The following TBC1D1 variants were observed in gnomAD, a reference collection of about 807,000 sequenced individuals.
The protein encoded by TBC1D1 is TBC1 domain family member 1.
TBC1D1 carries 89 observed loss-of-function variants against 125.6 expected under a neutral mutation model. That is an observed-to-expected ratio of 0.71 (90% CI 0.60 to 0.85). TBC1D1 has a LOEUF of 0.85. TBC1D1 is among the 40% of genes least tolerant of loss of function. The pLI, the probability that TBC1D1 is intolerant of heterozygous loss-of-function variation, is 0.00. For missense variants in TBC1D1, 1,377 were observed against 1,469.2 expected, an observed-to-expected ratio of 0.94 and a Z score of 1.03; for synonymous variants, 565 against 564.1, an observed-to-expected ratio of 1.00 and a Z score of -0.02.
rs1034165056 is a variant in TBC1D1 at position 37,891,313 on chromosome 4, G to A, written c.-129G>A. 6.6e-6 allele frequency: 1 copy of A among 152,338 alleles called. No individual in the cohort carries two copies. The highest frequency in any genetic ancestry group is 2.4e-5 in the African/African-American group (1 of 41,422). 9.4% of individuals were successfully genotyped at this position (152,338 alleles called of 1,614,324 possible). ...ATGCCCCCAAGCACCTGCGCGTCCC[G>A]GCCCGGCCCCGGGCTCTGAGCGCGC... is the stretch of plus-strand genomic sequence containing the variant. On this transcript the variant is annotated 5_prime_UTR_variant, in exon 1 of 20. Transcript: ENST00000261439.
chr4:38,086,573 T>A (rs1012588845), intron 12 of TBC1D1, among the ~76,000 whole-genome samples: 1 of 152,238 alleles, frequency 6.6e-6, no homozygotes, highest in Admixed American at 6.5e-5. Context: ...TATTCTGGAC[T>A]TGGCCTGGAT....
intron 2 of TBC1D1, among the ~76,000 whole-genome samples, chr4:37,918,786 T>C (rs1476877836): frequency 6.6e-6 from 1 of 152,186 alleles, no homozygotes; most frequent in African/African-American, 2.4e-5. Flanking sequence ...CAATTTTTAA[T>C]TAGTCTCTAA....
At chr4:37,915,806 C>T (rs1719608777) in intron 2 of TBC1D1, among the ~76,000 whole-genome samples, 1 of 152,112 alleles carries the variant, frequency 6.6e-6, no homozygotes, top group Admixed American at 6.5e-5. Flanking sequence ...TCTTAGAAGC[C>T]ACCCCTCTCT....
At chr4:38,074,863 T>C (rs1755308736) in intron 12 of TBC1D1, among the ~76,000 whole-genome samples, 1 of 151,880 alleles carries the variant, frequency 6.6e-6, no homozygotes, top group Admixed American at 6.6e-5. Context: ...CGGGTTCAAA[T>C]GATTCTCCTG....
chr4:38,096,341 A>G (rs887678964), intron 14 of TBC1D1, among the ~76,000 whole-genome samples: 3 of 152,242 alleles, frequency 2.0e-5, no homozygotes, highest in African/African-American at 4.8e-5. Flanking sequence ...TTTGTTGCCT[A>G]TAAACTAGAT....
chr4:38,133,013 T>C, intron 18 of TBC1D1, 71 bp from the exon 21 acceptor site: 1 of 1,427,132 alleles, frequency 7.0e-7, no homozygotes, highest in South Asian at 1.3e-5. Context: ...TTGTCGTGAT[T>C]GCAGACGCCT....
intron 12 of TBC1D1, among the ~76,000 whole-genome samples, chr4:38,084,466 CCTGGGCTCTGCTTT>C (rs1190016179): frequency 6.6e-6 from 1 of 152,232 alleles, no homozygotes; most frequent in Non-Finnish European, 1.5e-5. Context: ...ATCTCTGCCT[CCTGGGCTCTGCTTT>C]CTGTTGTAGT....
At chr4:37,990,918 G>A (rs1736407040) in intron 2 of TBC1D1, among the ~76,000 whole-genome samples, 1 of 152,146 alleles carries the variant, frequency 6.6e-6, no homozygotes, top group South Asian at 2.1e-4. Flanking sequence ...GTAGTGTGGT[G>A]TTTCCAGACG....
chr4:38,104,946 G>A (rs571414339), intron 15 of TBC1D1, among the ~76,000 whole-genome samples: 17 of 151,766 alleles, frequency 1.1e-4, no homozygotes, highest in East Asian at 9.7e-4. Context: ...TAGTAGAGAC[G>A]GGGTTTCACC....
At chr4:38,075,584 G>A (rs745717101) in intron 12 of TBC1D1, among the ~76,000 whole-genome samples, 11 of 152,206 alleles carry the variant, frequency 7.2e-5, no homozygotes, top group Admixed American at 6.5e-5. Flanking sequence ...CCTCCGCAAA[G>A]CACAAAAGTA....
chr4:38,074,128 A>G (rs1755166774), intron 12 of TBC1D1, among the ~76,000 whole-genome samples: 1 of 152,176 alleles, frequency 6.6e-6, no homozygotes, highest in Admixed American at 6.5e-5. Flanking sequence ...TAGCAGCTTG[A>G]TGCTCCTGCC....
chr4:38,031,468 A>G (rs947115239), intron 7 of TBC1D1, among the ~76,000 whole-genome samples: 6 of 152,146 alleles, frequency 3.9e-5, no homozygotes, highest in African/African-American at 1.4e-4. Flanking sequence ...AAGTTTTAAG[A>G]TGTTAGACTG....
chr4:38,080,121 G>A (rs1435289132), intron 12 of TBC1D1, among the ~76,000 whole-genome samples: 1 of 152,200 alleles, frequency 6.6e-6, no homozygotes, highest in Non-Finnish European at 1.5e-5. Context: ...AACTTCTCCC[G>A]TAGACTGAAC....
At chr4:37,971,040 G>A (rs1578097350) in intron 2 of TBC1D1, among the ~76,000 whole-genome samples, 1 of 152,110 alleles carries the variant, frequency 6.6e-6, no homozygotes, top group African/African-American at 2.4e-5. Flanking sequence ...GAAGAAATTG[G>A]CAGAAGAGCT....
At chr4:38,052,678 G>C (rs1055057260) in intron 11 of TBC1D1, among the ~76,000 whole-genome samples, 6 of 151,098 alleles carry the variant, frequency 4.0e-5, no homozygotes, top group African/African-American at 1.5e-4. Context: ...CCTTGCCCTA[G>C]TGGACACTTA....
intron 2 of TBC1D1, among the ~76,000 whole-genome samples, chr4:37,940,851 GC>G (rs1277105374): frequency 6.6e-6 from 1 of 152,196 alleles, no homozygotes; most frequent in Non-Finnish European, 1.5e-5. Flanking sequence ...GGTTGAACAA[GC>G]CTTGAATCCC....
At chr4:38,105,683 A>G (rs1761178417) in intron 15 of TBC1D1, among the ~76,000 whole-genome samples, 1 of 152,212 alleles carries the variant, frequency 6.6e-6, no homozygotes, top group Non-Finnish European at 1.5e-5. Context: ...AAGTGAGAAC[A>G]TGTGATGCTT....
chr4:37,998,133 T>C (rs1190110988), intron 2 of TBC1D1, among the ~76,000 whole-genome samples: 1 of 152,130 alleles, frequency 6.6e-6, no homozygotes, highest in Non-Finnish European at 1.5e-5. Context: ...TCCTCTCCAT[T>C]TGTATTGCCA....
At chr4:37,984,116 T>G (rs1734950839) in intron 2 of TBC1D1, among the ~76,000 whole-genome samples, 1 of 152,212 alleles carries the variant, frequency 6.6e-6, no homozygotes, top group African/African-American at 2.4e-5. Flanking sequence ...TTTTTTGTGC[T>G]GAATCATATT....
Sources: gnomAD v4.1 joint callset for allele counts (sites outside exome capture counted in the v4.1 genomes callset) on GRCh38, gnomAD v4.1.1 for gene constraint, MANE v1.5 for transcripts, NCBI Gene and HGNC (gene_info 2026-07-23, HGNC 2026-07-21) for gene names.